C2CD5: variants seen among roughly 807,000 people sequenced by gnomAD.
C2CD5 encodes C2 domain-containing protein 5.
A neutral mutation model predicts 130.3 loss-of-function variants in C2CD5; 109 were observed. The observed-to-expected ratio is 0.84, with a 90% CI of 0.72 to 0.98. The LOEUF (loss-of-function observed/expected upper bound fraction) is 0.98, where lower values mean the gene tolerates loss of function less well. Ranked by LOEUF, C2CD5 falls within the 50% of genes least tolerant of loss-of-function variation. C2CD5 has a pLI of 0.00. For synonymous variants in C2CD5, 454 were observed against 429.2 expected, an observed-to-expected ratio of 1.06 and a Z score of -0.71; for missense variants, 996 against 1,261.8, an observed-to-expected ratio of 0.79 and a Z score of 3.19.
chr12:22,485,161 T>C (rs1202901932), intron 12 of C2CD5, among the ~76,000 whole-genome samples: 1 of 152,112 alleles, frequency 6.6e-6, no homozygotes, highest in Non-Finnish European at 1.5e-5. Flanking sequence ...CTGACAAACA[T>C]CACTATCACC....
At chr12:22,528,000 TA>T (rs1425695905) in intron 3 of C2CD5, 108 bp from the exon 4 acceptor site, 31 of 551,308 alleles carry the variant, frequency 5.6e-5, no homozygotes, top group Admixed American at 1.2e-4. Flanking sequence ...AATAAAATCT[TA>T]CAGATTTCTA....
intron 22 of C2CD5, among the ~76,000 whole-genome samples, chr12:22,462,927 A>G (rs1941430771): frequency 6.6e-6 from 1 of 152,040 alleles, no homozygotes; most frequent in African/African-American, 2.4e-5. Context: ...TCACTACAAA[A>G]AAAGATAAAC....
chr12:22,540,212 ACT>A (rs1474589625), intron 2 of C2CD5, among the ~76,000 whole-genome samples: 2 of 152,050 alleles, frequency 1.3e-5, no homozygotes, highest in African/African-American at 2.4e-5. Flanking sequence ...CAACTGTCTC[ACT>A]CTGTTTGAGA....
chr12:22,542,142 G>A (rs1952452191), intron 2 of C2CD5, among the ~76,000 whole-genome samples: 1 of 152,092 alleles, frequency 6.6e-6, no homozygotes, highest in Non-Finnish European at 1.5e-5. Flanking sequence ...TGATCTCCCT[G>A]CCACACTTCC....
chr12:22,493,702 C>A (rs1946651264), intron 10 of C2CD5, among the ~76,000 whole-genome samples: 2 of 151,962 alleles, frequency 1.3e-5, no homozygotes, highest in African/African-American at 4.8e-5. Context: ...TGAGTGAACA[C>A]CTTATGTGTT....
rs151102197 is a variant in C2CD5 at position 22,517,070 on chromosome 12, T to C, written c.952+916A>G. 3.3e-5 allele frequency among the ~76,000 whole-genome samples: 5 copies of C among 152,112 alleles called. No individual in the cohort carries two copies. The East Asian group carries it at 9.6e-4, about 29-fold the overall frequency. Reference sequence around the variant, plus strand: ...TTAAAAAATGATCTTTCCTTAGAAGTAGCACTGCTTTGGATTTAGACTTCT... The same window carrying C: ...TTAAAAAATGATCTTTCCTTAGAAGCAGCACTGCTTTGGATTTAGACTTCT... On this transcript the variant is annotated intron_variant, in intron 8 of 26. Coordinates refer to ENST00000446597, the MANE Select transcript of C2CD5 (RefSeq NM_001286176.2).
chr12:22,484,933 C>A (rs3736463), intron 12 of C2CD5, 45 bp from the exon 13 acceptor site: 75,062 of 960,260 alleles, frequency 0.078, 5,983 homozygotes, highest in African/African-American at 0.37. Flanking sequence ...AAAAATGTAC[C>A]AATTTTTTCA....
intron 2 of C2CD5, 95 bp downstream of exon 2, chr12:22,543,966 G>C (rs1174067739): frequency 2.7e-5 from 25 of 922,342 alleles, no homozygotes; most frequent in Non-Finnish European, 4.4e-5. Context: ...GGGCAGTCGA[G>C]GGGGGAATAG....
intron 7 of C2CD5, 150 bp from the exon 8 acceptor site, chr12:22,518,287 T>C (rs1056169062): frequency 5.5e-6 from 4 of 722,514 alleles, no homozygotes; most frequent in East Asian, 2.7e-5. Flanking sequence ...AGACAACCAA[T>C]TGCTGTTTAA....
intron 3 of C2CD5, chr12:22,534,802 T>C (rs914533158): frequency 6.5e-6 from 1 of 154,770 alleles, no homozygotes; most frequent in African/African-American, 2.4e-5. Flanking sequence ...GGTTAGTGAG[T>C]ACACAATTTC....
At chr12:22,486,322 C>T (rs1428523002) in intron 12 of C2CD5, among the ~76,000 whole-genome samples, 1 of 152,156 alleles carries the variant, frequency 6.6e-6, no homozygotes, top group African/African-American at 2.4e-5. Flanking sequence ...CCTGACTGAT[C>T]TGCACTCTAG....
In C2CD5 at chr12:22,543,397, G is replaced by T. The variant is rs572403995; in HGVS notation, c.90+664C>A. ...CTACCTCAAGGCGCTAAATTACCCT[G>T]AAACACCTCATCAGACCTACCAGCC... On this transcript the variant is annotated intron_variant, in intron 2 of 26. Transcript: ENST00000446597. Among the ~76,000 whole-genome samples, 3 of 152,346 alleles carry T rather than the reference G, an allele frequency of 2.0e-5. No homozygotes were observed. In the South Asian group the frequency reaches 6.2e-4, roughly 32 times the overall value.
chr12:22,449,859 T>C lies in C2CD5; in HGVS notation c.3057A>G (p.Ala1019=). The C allele has an allele frequency of 1.2e-6, 2 of 1,611,418 alleles. No homozygotes were observed. The highest frequency in any genetic ancestry group is 1.7e-6 in the Non-Finnish European group (2 of 1,177,890). The change falls in exon 27 of 27, where the codon GCA becomes GCG. Residue 1019 remains alanine (A), a synonymous_variant. Coordinates refer to ENST00000446597, the MANE Select transcript of C2CD5 (RefSeq NM_001286176.2). Reference sequence around the variant, plus strand: ...AGTCAGATTCACGAACAAAAACCACTGCATCACCACTTACATTTATAAGAC... The same window carrying C: ...AGTCAGATTCACGAACAAAAACCACCGCATCACCACTTACATTTATAAGAC... ...AQCLINVSGD[A]VVFVRESDLE...
At position 22,458,541 on chromosome 12, in the gene C2CD5, AG is replaced by A; in HGVS notation, c.2628del (p.Trp877GlyfsTer2). 1 of 1,310,508 alleles carries A rather than the reference AG, an allele frequency of 7.6e-7. No homozygotes were observed. The highest frequency in any genetic ancestry group is 3.0e-5 in the East Asian group (1 of 33,886). 81.2% of individuals were successfully genotyped at this position (1,310,508 alleles called of 1,614,324 possible). On this transcript the variant is annotated frameshift_variant, in exon 24 of 27. Coordinates refer to ENST00000446597, the MANE Select transcript of C2CD5 (RefSeq NM_001286176.2). LOFTEE classifies it high-confidence loss of function. ...DYSSFADRCSSWIELIKLKAQ... is the reference protein window; with the variant it reads ...DYSSFADRCSXWIELIKLKAQ... ...GCTTTCAGTTTAATGAGCTCTATCC[AG>A]CTGCTGCATCTGTCTGCAAAGGAAC...
At chr12:22,499,296 T>C (rs1947441950) in intron 10 of C2CD5, among the ~76,000 whole-genome samples, 1 of 152,188 alleles carries the variant, frequency 6.6e-6, no homozygotes, top group Admixed American at 6.5e-5. Context: ...CCTGCTGTTA[T>C]TATACTCAAA....
At chr12:22,468,895 C>A (rs1302917732) in intron 22 of C2CD5, among the ~76,000 whole-genome samples, 4 of 152,030 alleles carry the variant, frequency 2.6e-5, no homozygotes, top group Non-Finnish European at 5.9e-5. Flanking sequence ...AAGTAGGAAT[C>A]ATAAAATAAT....
At chr12:22,542,181 C>T (rs1184502591) in intron 2 of C2CD5, among the ~76,000 whole-genome samples, 1 of 152,244 alleles carries the variant, frequency 6.6e-6, no homozygotes, top group Non-Finnish European at 1.5e-5. Context: ...ATAGCATCCC[C>T]ATTCAGGCCA....
intron 8 of C2CD5, 121 bp downstream of exon 8, chr12:22,517,865 T>C: frequency 1.4e-6 from 1 of 721,324 alleles, no homozygotes; most frequent in African/African-American, 1.8e-5. Context: ...TGGTCAGTAT[T>C]CACATTTTCT....
At position 22,468,346 on chromosome 12, in the gene C2CD5, G is replaced by A. The variant is rs551138258; in HGVS notation, c.2533+1363C>T. 2.0e-4 allele frequency among the ~76,000 whole-genome samples: 30 copies of A among 152,090 alleles called. No homozygotes were observed. In the South Asian group the frequency reaches 4.6e-3, roughly 23 times the overall value. On this transcript the variant is annotated intron_variant, in intron 22 of 26. Transcript: ENST00000446597. ...CAATCCTCCCACCTCAGCCTCCCAC[G>A]GAGCTAGGATCACAGGTGCACACCA... is the stretch of plus-strand genomic sequence containing the variant.
Sources: gnomAD v4.1 joint callset for allele counts (sites outside exome capture counted in the v4.1 genomes callset) on GRCh38, gnomAD v4.1.1 for gene constraint, MANE v1.5 for transcripts, NCBI Gene and HGNC (gene_info 2026-07-23, HGNC 2026-07-21) for gene names.